Variants in FAM221A observed in about 807,000 individuals in gnomAD.
FAM221A encodes protein FAM221A.
In FAM221A, 43 loss-of-function variants were observed where a neutral mutation model predicts 37.6. The observed-to-expected ratio is 1.15, with a 90% CI of 0.90 to 1.48. The LOEUF is 1.48. Among genes scored for constraint, FAM221A ranks in the 40% most tolerant of loss-of-function variants. The probability of loss-of-function intolerance (pLI) is 0.00; values close to 1 mark genes in which losing one functional copy is unlikely to be tolerated. For synonymous variants in FAM221A, 135 were observed against 132.9 expected (o/e 1.02, Z -0.11); for missense variants, 361 against 361.5 (o/e 1.00, Z 0.01).
intron 4 of FAM221A, 120 bp downstream of exon 4, chr7:23,691,716 TTTGA>T: frequency 2.3e-6 from 2 of 879,678 alleles, no homozygotes; most frequent in Non-Finnish European, 1.7e-6. Context: ...CATTCTCTCG[TTTGA>T]TTTTTATTTT....
At chr7:23,695,108 G>A (rs773677070) in intron 4 of FAM221A, among the ~76,000 whole-genome samples, 2 of 152,252 alleles carry the variant, frequency 1.3e-5, no homozygotes, top group East Asian at 1.9e-4. Flanking sequence ...AGCTGTGCCT[G>A]TGGGCGCATG....
At chr7:23,688,970 A>G (rs941452421) in intron 2 of FAM221A, 4 of 194,322 alleles carry the variant, frequency 2.1e-5, no homozygotes, top group East Asian at 2.3e-4. Context: ...GTGCTTCTCT[A>G]TTAAGGAATC....
Position 23,702,421 on chromosome 7 carries a change from C to T in FAM221A, c.*257C>T. On this transcript the variant is annotated 3_prime_UTR_variant, in exon 7 of 7. Transcript: ENST00000344962. ...TTTTATATGAGTCTGTCTGAGAGTACAGTAAATGTTTTTAGTACATAATAA... is the reference window on the plus strand; with the variant it reads ...TTTTATATGAGTCTGTCTGAGAGTATAGTAAATGTTTTTAGTACATAATAA... The T allele has an allele frequency of 4.2e-6, 1 of 237,340 alleles. No homozygotes were observed. Among genetic ancestry groups the T allele is most frequent in the Non-Finnish European group, 8.2e-6 (1 of 122,310 alleles). The allele number at this position is 237,340 out of a possible 1,614,324, so 14.7% of individuals were successfully genotyped here. A position where few individuals can be genotyped will look rare whatever the true frequency, so the allele number is the denominator to read the frequency against.
intron 1 of FAM221A, among the ~76,000 whole-genome samples, chr7:23,684,137 G>A (rs1784223000): frequency 6.6e-6 from 1 of 152,056 alleles, no homozygotes; most frequent in Non-Finnish European, 1.5e-5. Context: ...GTGGAGGTCT[G>A]GGGAGTTTCT....
rs148818873 is a variant in FAM221A, at chr7:23,688,782, A to C, written c.240-487A>C. On this transcript the variant is annotated intron_variant, in intron 2 of 6. Transcript: ENST00000344962. The stretch of plus-strand genomic sequence containing the variant: ...CTCCTGAGTAGCTGGGGTTACAGGC[A>C]TGTGCCACAACGGCCAGCTAATTTT... The C allele has an allele frequency of 1.2e-4, 19 of 152,666 alleles. No individual in the cohort carries two copies. In the East Asian group the frequency reaches 3.7e-3, roughly 29 times the overall value. 9.5% of individuals were successfully genotyped at this position (152,666 alleles called of 1,614,324 possible).
At position 23,700,822 on chromosome 7, in the gene FAM221A, C is replaced by G. The variant is rs1402799328; in HGVS notation, c.782C>G (p.Pro261Arg). The G allele has an allele frequency of 6.2e-7, 1 of 1,607,876 alleles. No homozygotes were observed. The highest frequency in any genetic ancestry group is 8.5e-7 in the Non-Finnish European group (1 of 1,178,108). The change falls in exon 6 of 7, where the codon CCT (proline) becomes CGT (arginine). Residue 261 changes from proline to arginine, a missense_variant. Pro to Arg is a moderately radical substitution (Grantham distance 103). Transcript: ENST00000344962. ...AGTCAAGTTTCTTCATTAAGGAGAC[C>G]TGAAGAGGATGATATGGCTTTCTTT... is the stretch of plus-strand genomic sequence containing the variant. ...TSSQVSSLRR[P>R]EEDDMAFFER...
At chr7:23,697,052 T>C (rs1457641426) in intron 4 of FAM221A, among the ~76,000 whole-genome samples, 2 of 152,092 alleles carry the variant, frequency 1.3e-5, no homozygotes, top group Admixed American at 6.5e-5. Context: ...TCTGTACTTA[T>C]AGTCGGAGCA....
chr7:23,702,105 GA>G lies in FAM221A; in HGVS notation c.842del (p.Lys281ArgfsTer25). 3 of 1,596,900 alleles carry G rather than the reference GA, an allele frequency of 1.9e-6. No homozygotes were observed. Among genetic ancestry groups the G allele is most frequent in the South Asian group, 1.1e-5 (1 of 87,820 alleles). On this transcript the variant is annotated frameshift_variant, in exon 7 of 7. Transcript: ENST00000344962. LOFTEE classifies it high-confidence loss of function. ...TATGTTAAATTTACAGATGAAAATG[GA>G]AAAGGCTGCTAAGTGGAAAGGAAAA... ...ERRYQERMKM[E>X]KAAKWKGKAP... is the part of the protein sequence containing the mutation.
chr7:23,685,546 G>A lies in FAM221A; in HGVS notation c.239+874G>A, dbSNP rs1215583752. Among the ~76,000 whole-genome samples the A allele has an allele frequency of 3.3e-5, 5 of 152,152 alleles. No homozygotes were observed. In the South Asian group the frequency reaches 8.3e-4, roughly 25 times the overall value. ...ATCAGATTGAGGAACTACTTTAAGC[G>A]TTGCTTGAATTGACCCACACTGATC... On this transcript the variant is annotated intron_variant, in intron 2 of 6. Transcript: ENST00000344962.
At chr7:23,683,313 G>A (rs895388287) in intron 1 of FAM221A, among the ~76,000 whole-genome samples, 2 of 152,206 alleles carry the variant, frequency 1.3e-5, no homozygotes, top group Non-Finnish European at 2.9e-5. Context: ...TCTTACTTCT[G>A]AAATTAACCC....
At chr7:23,701,302 C>T (rs1325564129) in intron 6 of FAM221A, among the ~76,000 whole-genome samples, 3 of 141,744 alleles carry the variant, frequency 2.1e-5, no homozygotes, top group Admixed American at 7.5e-5. Flanking sequence ...TGCAGTGGCG[C>T]GATCTCGGCT....
At chr7:23,702,048 T>C (rs375485269) in intron 6 of FAM221A, 48 bp from the exon 7 acceptor site, 16 of 1,324,972 alleles carry the variant, frequency 1.2e-5, no homozygotes, top group Admixed American at 4.7e-5. Flanking sequence ...TTTTTTTCTT[T>C]AGAATGGTTT....
At chr7:23,700,950 C>A (rs1785389525) in intron 6 of FAM221A, 82 bp downstream of exon 6, 6 of 910,898 alleles carry the variant, frequency 6.6e-6, no homozygotes, top group Non-Finnish European at 1.0e-5. Flanking sequence ...GAATGTGGAA[C>A]ATCCTTGAAA....
rs1047104643 is a variant in FAM221A at position 23,702,380 on chromosome 7, C to T, written c.*216C>T. On this transcript the variant is annotated 3_prime_UTR_variant, in exon 7 of 7. Transcript: ENST00000344962. The stretch of plus-strand genomic sequence containing the variant: ...TACTTTGTATGTACCTTTCTTTCTC[C>T]TGACAAATGAGGTTATTTTATATGA... 3.2e-6 allele frequency: 1 copy of T among 310,362 alleles called. No homozygotes were observed. Among genetic ancestry groups the T allele is most frequent in the Non-Finnish European group, 6.0e-6 (1 of 166,222 alleles). The allele number at this position is 310,362 out of a possible 1,614,324, so 19.2% of individuals were successfully genotyped here. A position where few individuals can be genotyped will look rare whatever the true frequency, so the allele number is the denominator to read the frequency against.
chr7:23,682,395 G>GTA (rs1784096804), intron 1 of FAM221A, among the ~76,000 whole-genome samples: 1 of 102,620 alleles, frequency 9.7e-6, no homozygotes, highest in Non-Finnish European at 2.0e-5. Context: ...GTGTGTGTGT[G>GTA]TGTATGTATA....
intron 4 of FAM221A, chr7:23,693,434 C>T (rs1784863127): frequency 6.6e-6 from 1 of 151,362 alleles, no homozygotes. Context: ...TTGGCCATTT[C>T]ACTTTCTGTG....
At chr7:23,699,004 T>G (rs1036755981) in intron 5 of FAM221A, among the ~76,000 whole-genome samples, 1 of 152,110 alleles carries the variant, frequency 6.6e-6, no homozygotes, top group South Asian at 2.1e-4. Context: ...TTTGACTGAG[T>G]TTAGTGGCAG....
chr7:23,682,370 CATGT>C (rs1403679809), intron 1 of FAM221A, among the ~76,000 whole-genome samples: 27 of 93,980 alleles, frequency 2.9e-4, no homozygotes, highest in African/African-American at 1.1e-3. Context: ...CTGGCTTTAT[CATGT>C]GTGTGTGTGT....
intron 1 of FAM221A, among the ~76,000 whole-genome samples, chr7:23,683,522 G>C (rs1398125479): frequency 2.6e-5 from 4 of 152,152 alleles, no homozygotes. Context: ...TTAGAATTTT[G>C]AGCAGTTAAG....
Sources: gnomAD v4.1 joint callset for allele counts (sites outside exome capture counted in the v4.1 genomes callset) on GRCh38, gnomAD v4.1.1 for gene constraint, MANE v1.5 for transcripts, NCBI Gene and HGNC (gene_info 2026-07-23, HGNC 2026-07-21) for gene names.